CCDC77: variants seen among roughly 807,000 people sequenced by gnomAD.
The protein encoded by CCDC77 is coiled-coil domain-containing protein 77.
A neutral mutation model predicts 66.8 loss-of-function variants in CCDC77; 56 were observed. The observed-to-expected ratio is 0.84, with a 90% CI of 0.68 to 1.05. CCDC77 has a LOEUF of 1.05. CCDC77 is among the 50% of genes least tolerant of loss of function. The pLI is 0.00. For missense variants in CCDC77, 570 were observed against 576.8 expected (o/e 0.99, Z 0.12); for synonymous variants, 196 against 195.2 (o/e 1.00, Z -0.03).
intron 2 of CCDC77, 49 bp from the exon 3 acceptor site, chr12:409,319 T>A (rs1412318351): frequency 9.4e-6 from 13 of 1,383,224 alleles, no homozygotes; most frequent in Non-Finnish European, 1.3e-5. Context: ...GTACTGTTTT[T>A]ATTTTTCTAT....
intron 1 of CCDC77, among the ~76,000 whole-genome samples, chr12:404,124 C>T (rs960568510): frequency 1.3e-5 from 2 of 152,154 alleles, no homozygotes; most frequent in African/African-American, 4.8e-5. Flanking sequence ...CGAGACCAGC[C>T]TGGCCAACAT....
intron 5 of CCDC77, among the ~76,000 whole-genome samples, chr12:419,463 T>TAC (rs1484562636): frequency 2.7e-5 from 3 of 109,292 alleles, no homozygotes; most frequent in Admixed American, 8.8e-5. Flanking sequence ...GAGGGTAAAA[T>TAC]ACACATAGCA....
chr12:411,173 T>G (rs1565565574), intron 3 of CCDC77, among the ~76,000 whole-genome samples: 1 of 102,634 alleles, frequency 9.7e-6, no homozygotes, highest in South Asian at 2.8e-4. Flanking sequence ...TATCAAACTT[T>G]CAATTTGTTT....
At chr12:431,683 A>C (rs1945654831) in intron 7 of CCDC77, among the ~76,000 whole-genome samples, 183 bp from the exon 8 acceptor site, 1 of 152,180 alleles carries the variant, frequency 6.6e-6, no homozygotes, top group African/African-American at 2.4e-5. Context: ...CCTATTTGAA[A>C]AGTTAAGCAC....
chr12:417,339 A>G (rs543944217), intron 4 of CCDC77, among the ~76,000 whole-genome samples: 27 of 152,218 alleles, frequency 1.8e-4, no homozygotes, highest in African/African-American at 6.0e-4. Context: ...TGGAGTACCA[A>G]CTGTCTGCTT....
chr12:440,910 C>T lies in CCDC77; in HGVS notation c.1234C>T (p.Arg412Ter), dbSNP rs1233058357. 8 of 1,613,614 alleles carry T rather than the reference C, an allele frequency of 5.0e-6. No individual in the cohort carries two copies. Among genetic ancestry groups the T allele is most frequent in the East Asian group, 4.5e-5 (2 of 44,896 alleles). Reference protein sequence around the residue: ...MTKRYEALERRRILEVEGFKT... With the variant: ...MTKRYEALER ...AAAACGCTATGAGGCATTGGAGCGTCGACGTATCCTGGAAGTAGAAGGCTT... is the reference window on the plus strand; with the variant it reads ...AAAACGCTATGAGGCATTGGAGCGTTGACGTATCCTGGAAGTAGAAGGCTT... Residue 412 changes from arginine to a stop codon, truncating the protein, a stop_gained, in exon 12 of 13, where the codon CGA becomes TGA. Coordinates refer to ENST00000239830, the MANE Select transcript of CCDC77 (RefSeq NM_032358.4). LOFTEE classifies it high-confidence loss of function.
Position 416,371 on chromosome 12 carries a change from GTGTGTGTATATATATATA to G in CCDC77, c.271-2121_271-2104del, listed in dbSNP as rs1267916108. Among the ~76,000 whole-genome samples, 182 of 27,630 alleles carry G rather than the reference GTGTGTGTATATATATATA, an allele frequency of 6.6e-3. 6 individuals are homozygous for G. Among genetic ancestry groups the G allele is most frequent in the African/African-American group, 0.023 (168 of 7,426 alleles). 18.1% of individuals were successfully genotyped at this position (27,630 alleles called of 152,430 possible). A position where few individuals can be genotyped will look rare whatever the true frequency, so the allele number is the denominator to read the frequency against. On this transcript the variant is annotated intron_variant, in intron 4 of 12. Transcript: ENST00000239830. ...TGTGTGTGTGTGTGTGTGTGTGTGT[GTGTGTGTATATATATATA>G]TATATATATATATATATATATATAT...
chr12:408,026 A>G (rs1945032042), intron 2 of CCDC77, among the ~76,000 whole-genome samples: 1 of 151,998 alleles, frequency 6.6e-6, no homozygotes, highest in African/African-American at 2.4e-5. Flanking sequence ...TGACCTTGTG[A>G]TACACCCACC....
intron 5 of CCDC77, among the ~76,000 whole-genome samples, chr12:427,064 G>A (rs1029148265): frequency 6.6e-6 from 1 of 152,064 alleles, no homozygotes; most frequent in Non-Finnish European, 1.5e-5. Flanking sequence ...GGCCAACATG[G>A]TGAAACCCCA....
intron 1 of CCDC77, among the ~76,000 whole-genome samples, chr12:393,798 C>T (rs1448778498): frequency 6.6e-6 from 1 of 152,204 alleles, no homozygotes; most frequent in Non-Finnish European, 1.5e-5. Flanking sequence ...TCCCAATGTG[C>T]TAGGATTACA....
Position 433,190 on chromosome 12 carries a change from C to T in CCDC77, c.689C>T (p.Ala230Val), listed in dbSNP as rs758833320. Reference protein sequence around the residue: ...TLILQVEALQAQLGEQTKLSR... With the variant: ...TLILQVEALQVQLGEQTKLSR... ...CCTGTCTAGGTGGAAGCACTGCAGG[C>T]TCAGCTGGGAGAGCAGACCAAACTT... Residue 230 changes from alanine (A) to valine (V), a missense_variant, in exon 9 of 13, where the codon GCT becomes GTT. Transcript: ENST00000239830. The T allele has an allele frequency of 8.1e-6, 13 of 1,613,640 alleles. No homozygotes were observed. The highest frequency in any genetic ancestry group is 1.1e-5 in the Non-Finnish European group (13 of 1,179,790).
upstream of CCDC77, among the ~76,000 whole-genome samples, chr12:397,458 A>G (rs973073345): frequency 6.6e-6 from 1 of 152,310 alleles, no homozygotes; most frequent in African/African-American, 2.4e-5. Flanking sequence ...GAGTACAGGC[A>G]TAACTTGGAG....
Position 430,772 on chromosome 12 carries a change from A to G in CCDC77, c.583+36A>G, listed in dbSNP as rs778312284. Reference sequence around the variant, plus strand: ...TATAACCTATTAGAAATTCTCATCAATGCAGAATTGAAAATCACAGTGCAG... The same window carrying G: ...TATAACCTATTAGAAATTCTCATCAGTGCAGAATTGAAAATCACAGTGCAG... On this transcript the variant is annotated intron_variant, in intron 7 of 12. Transcript: ENST00000239830. 5 of 1,519,420 alleles carry G rather than the reference A, an allele frequency of 3.3e-6. No individual in the cohort carries two copies. In the South Asian group the frequency reaches 5.6e-5, roughly 17 times the overall value. The allele number at this position is 1,519,420 out of a possible 1,614,324, so 94.1% of individuals were successfully genotyped here. A position where few individuals can be genotyped will look rare whatever the true frequency, so the allele number is the denominator to read the frequency against.
At chr12:401,516 TG>T (rs768956511), upstream of CCDC77, 3 of 152,256 alleles carry the variant, frequency 2.0e-5, no homozygotes, top group Non-Finnish European at 4.4e-5. Flanking sequence ...AGGGGCGAGA[TG>T]GGGGCGGGCC....
In CCDC77 at chr12:427,525, A is replaced by G. The variant is rs1214927991; in HGVS notation, c.414-1244A>G. On this transcript the variant is annotated intron_variant, in intron 5 of 12. Transcript: ENST00000239830. Reference sequence around the variant, plus strand: ...AGTCTTGCTCTGTCGCCCAGGCCAGAGTGCGGTGGTGCAATCTTGGCTCAC... The same window carrying G: ...AGTCTTGCTCTGTCGCCCAGGCCAGGGTGCGGTGGTGCAATCTTGGCTCAC... 2.1e-5 allele frequency among the ~76,000 whole-genome samples: 3 copies of G among 145,996 alleles called. No homozygotes were observed. In the South Asian group the frequency reaches 6.6e-4, roughly 32 times the overall value.
Position 418,407 on chromosome 12 carries a change from T to C in CCDC77, c.271-87T>C, listed in dbSNP as rs900382035. ...AAAATTATTTACTTTGGAATATTTCTACATGAGTAGACTCCTCCCTATCCA... is the reference window on the plus strand; with the variant it reads ...AAAATTATTTACTTTGGAATATTTCCACATGAGTAGACTCCTCCCTATCCA... On this transcript the variant is annotated intron_variant, in intron 4 of 12. Coordinates refer to ENST00000239830, the MANE Select transcript of CCDC77 (RefSeq NM_032358.4). The C allele has an allele frequency of 1.2e-5, 15 of 1,300,452 alleles. No homozygotes were observed. The South Asian group carries it at 1.9e-4, about 17-fold the overall frequency. The allele number at this position is 1,300,452 out of a possible 1,614,324, so 80.6% of individuals were successfully genotyped here.
chr12:422,508 C>G (rs1274044484), intron 5 of CCDC77, among the ~76,000 whole-genome samples: 6 of 152,200 alleles, frequency 3.9e-5, no homozygotes, highest in Non-Finnish European at 8.8e-5. Flanking sequence ...AGGTGCCTCA[C>G]GTAAGTGGAA....
chr12:440,078 T>C lies in CCDC77; in HGVS notation c.1042-539T>C, dbSNP rs556595477. 2.0e-4 allele frequency among the ~76,000 whole-genome samples: 31 copies of C among 152,210 alleles called. No homozygotes were observed. In the Middle Eastern group the frequency reaches 0.01, roughly 50 times the overall value. ...TGTAGAGGAATAAATAAGGAGGAAG[T>C]GGTATGCTCTTTAAGAAGCCAGCAT... On this transcript the variant is annotated intron_variant, in intron 10 of 12. Coordinates refer to ENST00000239830, the MANE Select transcript of CCDC77 (RefSeq NM_032358.4).
rs546094685 is a variant in CCDC77 at position 436,218 on chromosome 12, T to C, written c.822-2117T>C. On this transcript the variant is annotated intron_variant, in intron 9 of 12. Transcript: ENST00000239830. ...CTGCAAGCTCCGCCTCCCGGGTTCA[T>C]GCCATTCTCCTGCCTCAGCCTCCTG... Among the ~76,000 whole-genome samples the C allele has an allele frequency of 1.7e-3, 254 of 149,044 alleles. 1 individual carries two copies. The South Asian group carries it at 0.018, about 11-fold the overall frequency.
Sources: allele counts gnomAD v4.1 joint callset (sites outside exome capture counted in the v4.1 genomes callset), GRCh38; gene constraint gnomAD v4.1.1; transcripts MANE v1.5; gene names NCBI Gene and HGNC (gene_info 2026-07-23, HGNC 2026-07-21).